NIN: variants seen among roughly 807,000 people sequenced by gnomAD.
The protein encoded by NIN is glycogen synthase kinase 3 beta-interacting protein.
NIN carries 137 observed loss-of-function variants against 257.6 expected under a neutral mutation model. That is an observed-to-expected ratio of 0.53 (90% CI 0.46 to 0.61). The LOEUF is 0.61. Among genes scored for constraint, NIN ranks in the 20% least tolerant of loss-of-function variants. The probability of loss-of-function intolerance (pLI) is 0.00; values close to 1 mark genes in which losing one functional copy is unlikely to be tolerated. For synonymous variants in NIN, 918 were observed against 919.8 expected (o/e 1.00, Z 0.04); for missense variants, 2,439 against 2,501.2 (o/e 0.98, Z 0.53).
chr14:50,800,432 T>C (rs950587415), intron 4 of NIN, among the ~76,000 whole-genome samples: 4 of 152,246 alleles, frequency 2.6e-5, no homozygotes, highest in African/African-American at 7.2e-5. Flanking sequence ...GAGTATCATG[T>C]TGGTGCTTAA....
In NIN at chr14:50,736,107, A is replaced by G. The variant is rs182687198; in HGVS notation, c.5776-490T>C. Among the ~76,000 whole-genome samples the G allele has an allele frequency of 6.6e-5, 10 of 152,252 alleles. 1 individual carries two copies. The East Asian group carries it at 7.7e-4, about 12-fold the overall frequency. ...TGAGAGTACATAAAACCTGATTTAT[A>G]TAACTTTTTAATTTTAAAGATTTCG... On this transcript the variant is annotated intron_variant, in intron 27 of 30. Coordinates refer to ENST00000530997, the MANE Select transcript of NIN (RefSeq NM_020921.4).
intron 4 of NIN, among the ~76,000 whole-genome samples, chr14:50,796,019 A>T (rs2043823227): frequency 6.6e-6 from 1 of 152,180 alleles, no homozygotes; most frequent in Admixed American, 6.5e-5. Context: ...ATGCTATCAA[A>T]ACAAAGTATA....
chr14:50,770,329 A>G (rs2042678637), intron 12 of NIN, 59 bp downstream of exon 12: 1 of 1,531,460 alleles, frequency 6.5e-7, no homozygotes, highest in African/African-American at 1.4e-5. Context: ...CCAAAGCTGT[A>G]GTTTTCCACG....
chr14:50,764,109 A>C, intron 14 of NIN, 145 bp from the exon 15 acceptor site: 1 of 662,892 alleles, frequency 1.5e-6, no homozygotes, highest in African/African-American at 1.8e-5. Flanking sequence ...AATGTTTTGC[A>C]AATTAAGTAT....
rs1566832381 is a variant in NIN at position 50,772,980 on chromosome 14, T to C, written c.782A>G (p.Tyr261Cys). ...KSLTPSASTP[Y>C]RQLKRHLSMQ... is the part of the protein sequence containing the mutation. ...GGAAAGGTGCCTTTTTAGTTGTCTA[T>C]ATGGAGTAGATGCTGATGGTGTAAG... The change falls in exon 8 of 31, where the codon TAT (tyrosine) becomes TGT (cysteine). Residue 261 changes from tyrosine (Y) to cysteine (C), a missense_variant. By Grantham distance (194) the Tyr-to-Cys change is radical. This residue lies in a region of NIN where 387 missense variants were observed against 427.3 expected (regional missense o/e 0.91). Coordinates refer to ENST00000530997, the MANE Select transcript of NIN (RefSeq NM_020921.4). 1 of 1,613,362 alleles carries C rather than the reference T, an allele frequency of 6.2e-7. No individual in the cohort carries two copies. The highest frequency in any genetic ancestry group is 1.3e-5 in the African/African-American group (1 of 75,036).
intron 20 of NIN, 83 bp downstream of exon 20, chr14:50,754,480 C>T (rs2041935465): frequency 6.5e-6 from 7 of 1,077,322 alleles, no homozygotes; most frequent in South Asian, 4.2e-5. Context: ...TATTCATTAC[C>T]GTGTGCTGTA....
intron 7 of NIN, among the ~76,000 whole-genome samples, chr14:50,776,543 A>T (rs544662400): frequency 2.6e-4 from 40 of 152,306 alleles, no homozygotes; most frequent in Non-Finnish European, 1.5e-5. Flanking sequence ...CCAAAAACTT[A>T]AATTTATCCT....
intron 3 of NIN, among the ~76,000 whole-genome samples, chr14:50,817,323 A>G (rs2044951687): frequency 6.6e-6 from 1 of 152,226 alleles, no homozygotes. Flanking sequence ...GTACTTCTCC[A>G]TTTTTCATTT....
chr14:50,797,185 G>A (rs1347840415), intron 4 of NIN, among the ~76,000 whole-genome samples: 4 of 152,154 alleles, frequency 2.6e-5, no homozygotes, highest in Admixed American at 2.6e-4. Flanking sequence ...AAAACATTAC[G>A]TTGTACCTAT....
Position 50,723,020 on chromosome 14 carries a change from C to T in NIN, c.*443G>A, listed in dbSNP as rs1046165469. 51 of 211,328 alleles carry T rather than the reference C, an allele frequency of 2.4e-4. No individual in the cohort carries two copies. The highest frequency in any genetic ancestry group is 1.1e-3 in the African/African-American group (48 of 43,986). 13.1% of individuals were successfully genotyped at this position (211,328 alleles called of 1,614,324 possible). On this transcript the variant is annotated 3_prime_UTR_variant, in exon 31 of 31. Transcript: ENST00000530997. ...CAAAGAACCAAAACTATTATAATGA[C>T]TTTCCAGTATTTAAATATGTAAGAA...
At chr14:50,760,844 T>C (rs1320106613) in intron 16 of NIN, among the ~76,000 whole-genome samples, 1 of 152,162 alleles carries the variant, frequency 6.6e-6, no homozygotes, top group East Asian at 1.9e-4. Context: ...TAATTTTTTT[T>C]TCTTGGTAGA....
chr14:50,758,115 A>C lies in NIN; in HGVS notation c.2915T>G (p.Leu972Arg). ...EQLASQRLER[L>R]EMEHDQERQE... ...CCTTTCCTGGTCATGTTCCATTTCT[A>C]GTCTTTCCAGCCGCTGGCTGGCCAG... is the stretch of plus-strand genomic sequence containing the variant. Residue 972 changes from leucine (L) to arginine (R), a missense_variant, in exon 18 of 31, where the codon CTA becomes CGA. Transcript: ENST00000530997. 2 of 1,614,058 alleles carry C rather than the reference A, an allele frequency of 1.2e-6. No individual in the cohort carries two copies. The highest frequency in any genetic ancestry group is 1.7e-6 in the Non-Finnish European group (2 of 1,180,020).
At chr14:50,759,560 C>T (rs1475860823) in intron 17 of NIN, among the ~76,000 whole-genome samples, 1 of 151,216 alleles carries the variant, frequency 6.6e-6, no homozygotes, top group African/African-American at 2.4e-5. Context: ...GTAGCGCGAT[C>T]TCGGCTCACT....
chr14:50,759,193 T>C (rs1473628357), intron 17 of NIN, among the ~76,000 whole-genome samples: 2 of 152,324 alleles, frequency 1.3e-5, no homozygotes, highest in East Asian at 1.9e-4. Context: ...GGAGGAAATG[T>C]AACCTTGCCT....
At position 50,756,487 on chromosome 14, in the gene NIN, A is replaced by C. The variant is rs756482240; in HGVS notation, c.4538+5T>G. 1.3e-6 allele frequency: 2 copies of C among 1,587,142 alleles called. No individual in the cohort carries two copies. Among genetic ancestry groups the C allele is most frequent in the Non-Finnish European group, 1.7e-6 (2 of 1,168,690 alleles). On this transcript the variant is annotated splice_donor_5th_base_variant and intron_variant, in intron 18 of 30. Coordinates refer to ENST00000530997, the MANE Select transcript of NIN (RefSeq NM_020921.4). The stretch of plus-strand genomic sequence containing the variant: ...TTCGTGACGTCTAGAAGGTACATAC[A>C]TTACCTCAGAAGTTCAACTTTTTGC...
chr14:50,751,325 T>C (rs959934970), intron 21 of NIN, among the ~76,000 whole-genome samples: 6 of 152,178 alleles, frequency 3.9e-5, no homozygotes, highest in African/African-American at 1.2e-4. Context: ...TAGGTACATA[T>C]GTAATTTTGT....
In NIN at chr14:50,719,884, A is replaced by C. The variant is rs2140291017; in HGVS notation, c.*3579T>G. 1 of 206,954 alleles carries C rather than the reference A, an allele frequency of 4.8e-6. No homozygotes were observed. Among genetic ancestry groups the C allele is most frequent in the South Asian group, 1.9e-4 (1 of 5,294 alleles). 12.8% of individuals were successfully genotyped at this position (206,954 alleles called of 1,614,324 possible). ...AAATCTTTCTAGGATAGAATGGCTAAGATGAAATATACAAAGCTGATATAA... is the reference window on the plus strand; with the variant it reads ...AAATCTTTCTAGGATAGAATGGCTACGATGAAATATACAAAGCTGATATAA... On this transcript the variant is annotated 3_prime_UTR_variant, in exon 31 of 31. Coordinates refer to ENST00000530997, the MANE Select transcript of NIN (RefSeq NM_020921.4).
intron 16 of NIN, among the ~76,000 whole-genome samples, chr14:50,760,763 C>T (rs1454302077): frequency 6.6e-6 from 1 of 152,120 alleles, no homozygotes; most frequent in East Asian, 1.9e-4. Context: ...ATCTCCATCT[C>T]CTGGGCTCAA....
At chr14:50,778,739 C>T in intron 6 of NIN, 26 bp downstream of exon 6, 1 of 1,613,008 alleles carries the variant, frequency 6.2e-7, no homozygotes, top group Non-Finnish European at 8.5e-7. Context: ...CCCTTCCAGG[C>T]ACGTCCTGAC....
Sources: gnomAD v4.1 joint callset for allele counts (sites outside exome capture counted in the v4.1 genomes callset) on GRCh38, gnomAD v4.1.1 for gene constraint, gnomAD v4.1.1 regional missense constraint, MANE v1.5 for transcripts, NCBI Gene and HGNC (gene_info 2026-07-23, HGNC 2026-07-21) for gene names.